The following CNTN5 variants were observed in gnomAD, a reference collection of about 807,000 sequenced individuals.
The protein encoded by CNTN5 is contactin 5, also known as contactin-5.
Under a neutral mutation model 129.1 loss-of-function variants are expected in CNTN5, and 77 were observed. The observed-to-expected ratio is 0.60, with a 90% CI of 0.50 to 0.72. The LOEUF (loss-of-function observed/expected upper bound fraction) is 0.72. CNTN5 is among the 30% of genes least tolerant of loss of function. CNTN5 has a pLI of 0.00. For missense variants in CNTN5, 1,478 were observed against 1,328.8 expected, an observed-to-expected ratio of 1.11 and a Z score of -1.75; for synonymous variants, 509 against 465.6, an observed-to-expected ratio of 1.09 and a Z score of -1.20.
At chr11:99,559,124 C>A (rs912347395) in intron 3 of CNTN5, among the ~76,000 whole-genome samples, 1 of 151,966 alleles carries the variant, frequency 6.6e-6, no homozygotes, top group African/African-American at 2.4e-5. Flanking sequence ...TTTATTATTT[C>A]ATTTTCACTG....
chr11:99,595,174 A>G (rs1950088104), intron 3 of CNTN5, among the ~76,000 whole-genome samples: 1 of 152,162 alleles, frequency 6.6e-6, no homozygotes, highest in South Asian at 2.1e-4. Context: ...GCAAAGAACA[A>G]TGTACTGTAT....
intron 3 of CNTN5, among the ~76,000 whole-genome samples, chr11:99,720,086 G>C (rs1222189485): frequency 6.6e-6 from 1 of 152,048 alleles, no homozygotes; most frequent in African/African-American, 2.4e-5. Flanking sequence ...GTTCATAGCT[G>C]AATTCTACCA....
intron 1 of CNTN5, among the ~76,000 whole-genome samples, chr11:99,043,213 G>C (rs1406789320): frequency 6.6e-6 from 1 of 152,090 alleles, no homozygotes. Context: ...AATTTCATTA[G>C]TTTATCATAT....
chr11:99,766,510 A>G (rs533648356), intron 3 of CNTN5, among the ~76,000 whole-genome samples: 14 of 152,006 alleles, frequency 9.2e-5, no homozygotes, highest in Non-Finnish European at 1.2e-4. Flanking sequence ...ATGAAATACT[A>G]TTATTTTATA....
chr11:99,170,048 C>T (rs1397775890), intron 1 of CNTN5, among the ~76,000 whole-genome samples: 1 of 151,866 alleles, frequency 6.6e-6, no homozygotes, highest in African/African-American at 2.4e-5. Flanking sequence ...TATTGTGTAT[C>T]AGTTTTTTTG....
intron 3 of CNTN5, among the ~76,000 whole-genome samples, chr11:99,720,888 A>G (rs1484814595): frequency 1.3e-5 from 2 of 152,144 alleles, no homozygotes; most frequent in Non-Finnish European, 2.9e-5. Context: ...CAGAGAAGCA[A>G]TCCCATTCAC....
intron 6 of CNTN5, among the ~76,000 whole-genome samples, chr11:99,885,887 T>C (rs1310421462): frequency 1.3e-5 from 2 of 152,098 alleles, no homozygotes; most frequent in Non-Finnish European, 2.9e-5. Flanking sequence ...CCAAAACTGA[T>C]TCAAGAGGAA....
intron 15 of CNTN5, among the ~76,000 whole-genome samples, chr11:100,218,810 T>C (rs1949198550): frequency 6.6e-6 from 1 of 152,210 alleles, no homozygotes. Context: ...AGGTTGAGTC[T>C]AGCCTCATAT....
At chr11:99,847,547 A>C (rs969377499) in intron 6 of CNTN5, among the ~76,000 whole-genome samples, 2 of 152,070 alleles carry the variant, frequency 1.3e-5, no homozygotes, top group Non-Finnish European at 2.9e-5. Context: ...ACGCATAAAA[A>C]CCCACAAGGT....
At chr11:100,005,965 C>T (rs1291387647) in intron 9 of CNTN5, among the ~76,000 whole-genome samples, 1 of 152,024 alleles carries the variant, frequency 6.6e-6, no homozygotes, top group African/African-American at 2.4e-5. Flanking sequence ...CCTAGATATA[C>T]AGTCATTCCT....
chr11:100,326,372 G>T (rs1304504849), intron 21 of CNTN5, among the ~76,000 whole-genome samples: 2 of 152,066 alleles, frequency 1.3e-5, no homozygotes, highest in Non-Finnish European at 2.9e-5. Context: ...TGACATTTAA[G>T]ATAGAGAAAT....
chr11:100,150,066 T>C (rs1947005519), intron 13 of CNTN5, among the ~76,000 whole-genome samples: 1 of 152,014 alleles, frequency 6.6e-6, no homozygotes, highest in South Asian at 2.1e-4. Context: ...ATTATGAAAA[T>C]ATTTAGTCTC....
At chr11:100,103,366 G>A (rs550738969) in intron 13 of CNTN5, among the ~76,000 whole-genome samples, 36 of 152,162 alleles carry the variant, frequency 2.4e-4, no homozygotes, top group Non-Finnish European at 3.2e-4. Context: ...GATTTCACGC[G>A]TGGGTACTTT....
At chr11:100,138,890 C>T (rs763364144) in intron 13 of CNTN5, among the ~76,000 whole-genome samples, 5 of 152,038 alleles carry the variant, frequency 3.3e-5, no homozygotes, top group Non-Finnish European at 7.4e-5. Flanking sequence ...AACCACAATG[C>T]TTGGTAGTAG....
At chr11:99,474,000 T>TA (rs1239057595) in intron 2 of CNTN5, among the ~76,000 whole-genome samples, 2 of 152,030 alleles carry the variant, frequency 1.3e-5, no homozygotes, top group East Asian at 1.9e-4. Context: ...AAAATGGCTT[T>TA]AAAAAACTAC....
At chr11:100,341,019 A>G in intron 22 of CNTN5, 74 bp from the exon 23 acceptor site, 1 of 1,089,708 alleles carries the variant, frequency 9.2e-7, no homozygotes, top group South Asian at 1.3e-5. Context: ...AAAGATTGAG[A>G]TACTCACAAA....
chr11:99,610,874 G>A (rs1039093850), intron 3 of CNTN5, among the ~76,000 whole-genome samples: 6 of 152,152 alleles, frequency 3.9e-5, no homozygotes, highest in Admixed American at 2.0e-4. Flanking sequence ...AGAAATATTT[G>A]TTAAAGAGAG....
intron 7 of CNTN5, among the ~76,000 whole-genome samples, chr11:99,936,585 T>C (rs1359630870): frequency 1.3e-5 from 2 of 152,098 alleles, no homozygotes; most frequent in African/African-American, 4.8e-5. Flanking sequence ...GTCCAAACAA[T>C]ATCAAATAGT....
chr11:99,143,179 C>CA (rs1418057297), intron 1 of CNTN5, among the ~76,000 whole-genome samples: 5 of 151,324 alleles, frequency 3.3e-5, no homozygotes, highest in South Asian at 2.1e-4. Flanking sequence ...AACAAGCAAA[C>CA]AAAAAAACAA....
Sources: gnomAD v4.1 joint callset for allele counts (sites outside exome capture counted in the v4.1 genomes callset) on GRCh38, gnomAD v4.1.1 for gene constraint, MANE v1.5 for transcripts, NCBI Gene and HGNC (gene_info 2026-07-23, HGNC 2026-07-21) for gene names.